GALNT16: variants seen among roughly 807,000 people sequenced by gnomAD.
The protein encoded by GALNT16 is UDP-GalNAc:polypeptide N-acetylgalactosaminyltransferase-like protein 1.
GALNT16 carries 40 observed loss-of-function variants against 76.1 expected under a neutral mutation model. The ratio of observed to expected loss-of-function variants is 0.53; its 90% CI spans 0.41 to 0.68. The LOEUF (loss-of-function observed/expected upper bound fraction) is 0.68. GALNT16 is among the 30% of genes least tolerant of loss of function. GALNT16 has a pLI of 0.00. For synonymous variants in GALNT16, 276 were observed against 285.2 expected (o/e 0.97, Z 0.32); for missense variants, 621 against 731.9 (o/e 0.85, Z 1.75).
In GALNT16 at chr14:69,325,943, T is replaced by C. The variant is rs1301177339; in HGVS notation, c.503-19T>C. The C allele has an allele frequency of 5.0e-6, 8 of 1,610,108 alleles. No individual in the cohort carries two copies. The East Asian group carries it at 6.7e-5, about 13-fold the overall frequency. On this transcript the variant is annotated intron_variant, in intron 4 of 14. Coordinates refer to ENST00000448469, the MANE Select transcript of GALNT16 (RefSeq NM_001168368.2). ...ATGCCCATGTCTAAATGAGCTTGCCTTCCTCTTTGCATCCTCAGCGGAAGA... is the reference window on the plus strand; with the variant it reads ...ATGCCCATGTCTAAATGAGCTTGCCCTCCTCTTTGCATCCTCAGCGGAAGA...
At chr14:69,291,212 T>C (rs2044683517) in intron 1 of GALNT16, among the ~76,000 whole-genome samples, 1 of 152,202 alleles carries the variant, frequency 6.6e-6, no homozygotes, top group South Asian at 2.1e-4. Flanking sequence ...GAGGATTGCT[T>C]GAGCCTAGGA....
At chr14:69,334,012 G>T (rs182454287) in intron 9 of GALNT16, among the ~76,000 whole-genome samples, 2 of 152,372 alleles carry the variant, frequency 1.3e-5, no homozygotes, top group Non-Finnish European at 2.9e-5. Context: ...GATGGCCTGG[G>T]TGCAAACCCT....
intron 14 of GALNT16, 45 bp from the exon 15 acceptor site, chr14:69,351,985 TC>T: frequency 6.5e-7 from 1 of 1,544,064 alleles, no homozygotes; most frequent in South Asian, 1.2e-5. Flanking sequence ...TTTTTTTAAA[TC>T]ATTGTTTTCT....
chr14:69,343,888 C>T (rs2045526983), intron 12 of GALNT16, among the ~76,000 whole-genome samples: 2 of 152,192 alleles, frequency 1.3e-5, no homozygotes, highest in Admixed American at 6.5e-5. Flanking sequence ...CCAGCTACGT[C>T]GATGAGGAGC....
chr14:69,292,876 G>A (rs2044705675), intron 1 of GALNT16, among the ~76,000 whole-genome samples: 1 of 152,222 alleles, frequency 6.6e-6, no homozygotes, highest in Non-Finnish European at 1.5e-5. Flanking sequence ...TCACAGTGCT[G>A]AGAGCACAAG....
the GALNT16 span, among the ~76,000 whole-genome samples, chr14:69,377,181 T>C: frequency 6.6e-6 from 1 of 152,314 alleles, no homozygotes. Flanking sequence ...AAATATTTGA[T>C]TGAGTCTAAA....
Position 69,333,090 on chromosome 14 carries a change from G to T in GALNT16, c.784G>T (p.Asp262Tyr). 2 of 1,612,942 alleles carry T rather than the reference G, an allele frequency of 1.2e-6. No homozygotes were observed. Among genetic ancestry groups the T allele is most frequent in the Non-Finnish European group, 1.7e-6 (2 of 1,178,924 alleles). The stretch of plus-strand genomic sequence containing the variant: ...CACCTTGCTGTGTCCCTTAGGGTTC[G>T]ACTGGAGCCTGCATTTCAAGTGGGA... The part of the protein sequence containing the change: ...AASADLRGGF[D>Y]WSLHFKWEQI... Residue 262 changes from aspartate to tyrosine, a missense_variant, in exon 8 of 15, where the codon GAC becomes TAC. Transcript: ENST00000448469. The surrounding 1 kb of genome is among the most constrained non-coding windows in gnomAD (Gnocchi z 4.2).
intron 1 of GALNT16, among the ~76,000 whole-genome samples, chr14:69,312,053 AAATCTGTCTATCTATCT>A (rs60341213): frequency 0.046 from 5,822 of 127,698 alleles, 181 homozygotes; most frequent in Non-Finnish European, 0.066. Context: ...AAAAAAAAAA[AAATCTGTCTATCTATCT>A]ATCTATCTAT....
intron 1 of GALNT16, among the ~76,000 whole-genome samples, chr14:69,263,645 G>A (rs1179802856): frequency 6.6e-6 from 1 of 152,236 alleles, no homozygotes; most frequent in Admixed American, 6.5e-5. Context: ...TTTGAAGCCA[G>A]CCAAGTTGCT....
chr14:69,285,165 C>T (rs868626429), intron 1 of GALNT16, among the ~76,000 whole-genome samples: 1 of 144,836 alleles, frequency 6.9e-6, no homozygotes, highest in African/African-American at 2.7e-5. Context: ...CTCAGCCTCT[C>T]GAGTAGCTGG....
At chr14:69,360,670 AAAAAAAGGAAAG>A (rs1221952130), downstream of GALNT16, among the ~76,000 whole-genome samples, 1 of 152,024 alleles carries the variant, frequency 6.6e-6, no homozygotes, top group Admixed American at 6.5e-5. Context: ...GAATAGAAGA[AAAAAAAGGAAAG>A]AAAAAAGAAA....
the GALNT16 span, among the ~76,000 whole-genome samples, chr14:69,378,277 T>C: frequency 1.3e-5 from 2 of 152,222 alleles, no homozygotes; most frequent in Admixed American, 1.3e-4. Context: ...TCAAGAAATA[T>C]TTTAGAAATT....
chr14:69,270,039 C>G (rs2044388259), intron 1 of GALNT16, among the ~76,000 whole-genome samples: 1 of 151,974 alleles, frequency 6.6e-6, no homozygotes, highest in Non-Finnish European at 1.5e-5. Context: ...GTCTCCTTGT[C>G]TGGTTCGTGG....
chr14:69,279,572 C>A (rs1466579925), intron 1 of GALNT16, among the ~76,000 whole-genome samples: 1 of 152,204 alleles, frequency 6.6e-6, no homozygotes, highest in Non-Finnish European at 1.5e-5. Context: ...ATAAGTAAGA[C>A]CCAGTTCCTG....
intron 2 of GALNT16, among the ~76,000 whole-genome samples, 153 bp from the exon 3 acceptor site, chr14:69,324,539 G>A (rs1446269080): frequency 6.6e-6 from 1 of 152,166 alleles, no homozygotes; most frequent in Admixed American, 6.5e-5. Flanking sequence ...GATGCAGCAT[G>A]GGGGTGGAGG....
At chr14:69,279,904 C>G (rs1303605118) in intron 1 of GALNT16, among the ~76,000 whole-genome samples, 1 of 152,248 alleles carries the variant, frequency 6.6e-6, no homozygotes, top group African/African-American at 2.4e-5. Flanking sequence ...GGTACTTATT[C>G]TGTTCCCAAG....
At chr14:69,383,637 G>A in the GALNT16 span, among the ~76,000 whole-genome samples, 1 of 152,118 alleles carries the variant, frequency 6.6e-6, no homozygotes, top group Non-Finnish European at 1.5e-5. Flanking sequence ...ATAGTTACAG[G>A]TTTTCAAGCT....
At chr14:69,338,574 G>A in intron 9 of GALNT16, 77 bp from the exon 10 acceptor site, 1 of 1,579,956 alleles carries the variant, frequency 6.3e-7, no homozygotes, top group Non-Finnish European at 8.6e-7. Context: ...ACACCAAAGG[G>A]AAGGGAAGCC....
intron 1 of GALNT16, among the ~76,000 whole-genome samples, chr14:69,286,383 A>G (rs1334266933): frequency 4.0e-5 from 6 of 151,216 alleles, no homozygotes; most frequent in Non-Finnish European, 8.8e-5. Context: ...GCTCACTGCA[A>G]CCTCTGGCTC....
Sources: allele counts gnomAD v4.1 joint callset (sites outside exome capture counted in the v4.1 genomes callset), GRCh38; gene constraint gnomAD v4.1.1; non-coding constraint Gnocchi (gnomAD v3.1); transcripts MANE v1.5; gene names NCBI Gene and HGNC (gene_info 2026-07-23, HGNC 2026-07-21).